The following PKD2L2 variants were observed in gnomAD, a reference collection of about 807,000 sequenced individuals.
The protein encoded by PKD2L2 is polycystin-2-like protein 2.
PKD2L2 carries 67 observed loss-of-function variants against 83.9 expected under a neutral mutation model. The ratio of observed to expected loss-of-function variants is 0.80; its 90% CI spans 0.66 to 0.98. The LOEUF (loss-of-function observed/expected upper bound fraction) is 0.98, where lower values mean the gene tolerates loss of function less well. Ranked by LOEUF, PKD2L2 falls within the 50% of genes least tolerant of loss-of-function variation. PKD2L2 has a pLI of 0.00. For missense variants in PKD2L2, 632 were observed against 717.2 expected, an observed-to-expected ratio of 0.88 and a Z score of 1.36; for synonymous variants, 223 against 237.8, an observed-to-expected ratio of 0.94 and a Z score of 0.57.
At chr5:137,919,877 C>G (rs1758732430) in intron 8 of PKD2L2, among the ~76,000 whole-genome samples, 1 of 152,196 alleles carries the variant, frequency 6.6e-6, no homozygotes, top group South Asian at 2.1e-4. Context: ...CAGGCTTTCT[C>G]CCTTTTCACT....
At chr5:137,915,411 ATTTAT>A (rs1004721439) in intron 8 of PKD2L2, among the ~76,000 whole-genome samples, 9 of 147,944 alleles carry the variant, frequency 6.1e-5, no homozygotes, top group Non-Finnish European at 1.1e-4. Flanking sequence ...TTTAATTTTT[ATTTAT>A]TTTATTTATT....
Position 137,942,403 on chromosome 5 carries a change from C to T in PKD2L2, c.*37C>T, listed in dbSNP as rs781731284. 2.2e-5 allele frequency: 5 copies of T among 232,226 alleles called. No homozygotes were observed. Among genetic ancestry groups the T allele is most frequent in the South Asian group, 1.8e-4 (2 of 11,252 alleles). 14.4% of individuals were successfully genotyped at this position (232,226 alleles called of 1,614,324 possible). On this transcript the variant is annotated 3_prime_UTR_variant, in exon 15 of 15. Transcript: ENST00000508883. The stretch of plus-strand genomic sequence containing the variant: ...TTTTAGAGACAGAGTCTCACTCTGT[C>T]GCCCAGGCTGGAACAGCGGTGCGAC...
At chr5:137,922,351 T>TAAA in intron 9 of PKD2L2, among the ~76,000 whole-genome samples, 1 of 152,238 alleles carries the variant, frequency 6.6e-6, no homozygotes, top group East Asian at 1.9e-4. Context: ...ATATCCTTTC[T>TAAA]ACATTTGTGT....
At chr5:137,929,706 G>C (rs1016539192) in intron 12 of PKD2L2, among the ~76,000 whole-genome samples, 2 of 151,900 alleles carry the variant, frequency 1.3e-5, no homozygotes, top group Non-Finnish European at 2.9e-5. Context: ...CAAATATAAA[G>C]GCTCGAACAT....
chr5:137,912,962 G>A (rs919502065), intron 8 of PKD2L2, among the ~76,000 whole-genome samples: 1 of 149,968 alleles, frequency 6.7e-6, no homozygotes, highest in African/African-American at 2.5e-5. Flanking sequence ...GCACCACCAC[G>A]GCCGGCTAGT....
chr5:137,942,197 G>A, intron 14 of PKD2L2, 187 bp from the exon 15 acceptor site: 2 of 638,752 alleles, frequency 3.1e-6, no homozygotes, highest in Non-Finnish European at 5.4e-6. Flanking sequence ...AATCAGAATA[G>A]CTGAAGGACT....
Position 137,925,008 on chromosome 5 carries a change from T to C in PKD2L2, c.1552-32T>C, listed in dbSNP as rs893897015. 9.2e-6 allele frequency: 11 copies of C among 1,193,784 alleles called. No individual in the cohort carries two copies. In the African/African-American group the frequency reaches 1.5e-4, roughly 16 times the overall value. 73.9% of individuals were successfully genotyped at this position (1,193,784 alleles called of 1,614,324 possible). ...ATTAATAATCAAGGATATATTTTAA[T>C]GCATTTTCAAACTATTTTAAATTAT... On this transcript the variant is annotated intron_variant, in intron 10 of 14. Coordinates refer to ENST00000508883, the MANE Select transcript of PKD2L2 (RefSeq NM_001300921.2).
At chr5:137,939,795 G>A in intron 14 of PKD2L2, 1 of 1,159,210 alleles carries the variant, frequency 8.6e-7, no homozygotes, top group Non-Finnish European at 1.1e-6. Context: ...CAAATTTTCA[G>A]TCATTCTGTA....
At chr5:137,933,726 C>G (rs910889550) in intron 12 of PKD2L2, among the ~76,000 whole-genome samples, 4 of 152,300 alleles carry the variant, frequency 2.6e-5, no homozygotes, top group Non-Finnish European at 5.9e-5. Context: ...TTACCTTTTA[C>G]TTTTGGACAT....
At chr5:137,923,803 C>T (rs190542189) in intron 10 of PKD2L2, among the ~76,000 whole-genome samples, 4 of 152,266 alleles carry the variant, frequency 2.6e-5, no homozygotes, top group East Asian at 3.9e-4. Context: ...AAATGCAAAG[C>T]GCTGCTGAGT....
chr5:137,910,363 G>A (rs1181028707), intron 8 of PKD2L2, among the ~76,000 whole-genome samples: 1 of 151,830 alleles, frequency 6.6e-6, no homozygotes, highest in Admixed American at 6.6e-5. Flanking sequence ...AAGAGGAAAG[G>A]GAAGTATAAA....
At position 137,936,230 on chromosome 5, in the gene PKD2L2, T is replaced by C. The variant is rs569797204; in HGVS notation, c.1785-90T>C. 3.0e-5 allele frequency: 35 copies of C among 1,151,756 alleles called. No individual in the cohort carries two copies. In the African/African-American group the frequency reaches 4.0e-4, roughly 13 times the overall value. The allele number at this position is 1,151,756 out of a possible 1,614,324, so 71.3% of individuals were successfully genotyped here. A position where few individuals can be genotyped will look rare whatever the true frequency, so the allele number is the denominator to read the frequency against. On this transcript the variant is annotated intron_variant, in intron 13 of 14. Coordinates refer to ENST00000508883, the MANE Select transcript of PKD2L2 (RefSeq NM_001300921.2). ...CATGTTTTAGGAGCTTACAATTCTA[T>C]CTTCCCAAAGCATTTCGCACTAGTA... is the stretch of plus-strand genomic sequence containing the variant.
chr5:137,892,532 A>G lies in PKD2L2; in HGVS notation c.186A>G (p.Ser62=), dbSNP rs762774809. 7 of 1,605,704 alleles carry G rather than the reference A, an allele frequency of 4.4e-6. No homozygotes were observed. In the African/African-American group the frequency reaches 9.4e-5, roughly 22 times the overall value. Residue 62 remains serine, a synonymous_variant, in exon 3 of 15, where the codon TCA becomes TCG. Coordinates refer to ENST00000508883, the MANE Select transcript of PKD2L2 (RefSeq NM_001300921.2). The part of the protein sequence containing the change: ...PHMYYLNKVM[S]SLFLDTSVPG... ...TGTATTACTTAAACAAGGTTATGTCATCTCTATTTTTGGACACTTCTGTGC... is the reference window on the plus strand; with the variant it reads ...TGTATTACTTAAACAAGGTTATGTCGTCTCTATTTTTGGACACTTCTGTGC...
chr5:137,914,591 T>A (rs1758157785), intron 8 of PKD2L2, among the ~76,000 whole-genome samples: 1 of 152,220 alleles, frequency 6.6e-6, no homozygotes, highest in Admixed American at 6.5e-5. Flanking sequence ...AGACAATTAC[T>A]GCTTCCTTTC....
chr5:137,908,922 A>G lies in PKD2L2; in HGVS notation c.1304A>G (p.Asp435Gly), dbSNP rs1228717809. The G allele has an allele frequency of 6.2e-7, 1 of 1,602,676 alleles. No homozygotes were observed. The highest frequency in any genetic ancestry group is 8.5e-7 in the Non-Finnish European group (1 of 1,172,490). Residue 435 changes from aspartate (D) to glycine (G), a missense_variant, in exon 8 of 15, where the codon GAC becomes GGC. This residue lies in a region of PKD2L2 where 399 missense variants were observed against 416.9 expected (regional missense o/e 0.96). Transcript: ENST00000508883. ...GFLVFGSQVD[D>G]FSTFQNSIFA... ...CTTGTTTTTGGATCACAAGTTGATGACTTTTCCACTTTTCAGAATTCCATG... is the reference window on the plus strand; with the variant it reads ...CTTGTTTTTGGATCACAAGTTGATGGCTTTTCCACTTTTCAGAATTCCATG...
chr5:137,935,368 T>C (rs1561710857), intron 12 of PKD2L2, among the ~76,000 whole-genome samples: 2 of 152,162 alleles, frequency 1.3e-5, no homozygotes, highest in African/African-American at 4.8e-5. Flanking sequence ...AGAGGGGGTT[T>C]TGAAGTCATC....
intron 1 of PKD2L2, chr5:137,889,836 T>C (rs1755791646): frequency 5.7e-6 from 2 of 352,960 alleles, no homozygotes; most frequent in Admixed American, 4.8e-5. Flanking sequence ...CTTGACAGAA[T>C]TCAAGCCGAG....
At chr5:137,903,661 T>C (rs1757137594) in intron 5 of PKD2L2, among the ~76,000 whole-genome samples, 1 of 152,254 alleles carries the variant, frequency 6.6e-6, no homozygotes, top group Non-Finnish European at 1.5e-5. Context: ...TAACATATTG[T>C]ATGTAATCTA....
chr5:137,894,320 T>G (rs758909134), intron 3 of PKD2L2, 33 bp from the exon 4 acceptor site: 1 of 1,551,334 alleles, frequency 6.4e-7, no homozygotes, highest in Admixed American at 2.0e-5. Flanking sequence ...CATGAAAATA[T>G]TTTTCCCATG....
Sources: gnomAD v4.1 joint callset for allele counts (sites outside exome capture counted in the v4.1 genomes callset) on GRCh38, gnomAD v4.1.1 for gene constraint, gnomAD v4.1.1 regional missense constraint, MANE v1.5 for transcripts, NCBI Gene and HGNC (gene_info 2026-07-23, HGNC 2026-07-21) for gene names.